DDR2: variants seen among roughly 807,000 people sequenced by gnomAD.
DDR2 encodes discoidin domain receptor tyrosine kinase 2.
A neutral mutation model predicts 94.9 loss-of-function variants in DDR2; 27 were observed. The ratio of observed to expected loss-of-function variants is 0.28; its 90% confidence interval spans 0.21 to 0.39. DDR2 has a LOEUF of 0.39. Ranked by LOEUF, DDR2 falls within the 10% of genes least tolerant of loss-of-function variation. The pLI, the probability that DDR2 is intolerant of heterozygous loss-of-function variation, is 1.00. For synonymous variants in DDR2, 382 were observed against 377.2 expected, an observed-to-expected ratio of 1.01 and a Z score of -0.15; for missense variants, 783 against 1,076.0, an observed-to-expected ratio of 0.73 and a Z score of 3.81.
intron 1 of DDR2, among the ~76,000 whole-genome samples, chr1:162,640,473 A>G (rs1657075406): frequency 6.6e-6 from 1 of 152,192 alleles, no homozygotes; most frequent in Non-Finnish European, 1.5e-5. Flanking sequence ...GTATATGGGA[A>G]CAATCTGTAC....
intron 2 of DDR2, among the ~76,000 whole-genome samples, chr1:162,673,592 TGTATGTGTGTGTGTGTGA>T (rs1487854537): frequency 6.7e-5 from 9 of 134,032 alleles, no homozygotes; most frequent in African/African-American, 2.7e-4. Flanking sequence ...TGTGTGTGTG[TGTATGTGTGTGTGTGTGA>T]GAGAGAGAGA....
chr1:162,716,712 T>C (rs1045299086), intron 2 of DDR2, among the ~76,000 whole-genome samples: 1 of 152,102 alleles, frequency 6.6e-6, no homozygotes, highest in African/African-American at 2.4e-5. Flanking sequence ...CATTGCTTTT[T>C]TTTTTTTTTA....
chr1:162,692,396 G>C (rs191582871), intron 2 of DDR2, among the ~76,000 whole-genome samples: 2 of 152,320 alleles, frequency 1.3e-5, no homozygotes, highest in East Asian at 3.9e-4. Context: ...TGGAGTCAGA[G>C]GAACTGTTTG....
At chr1:162,703,020 T>A (rs187916064) in intron 2 of DDR2, among the ~76,000 whole-genome samples, 2 of 152,356 alleles carry the variant, frequency 1.3e-5, no homozygotes, top group East Asian at 3.9e-4. Flanking sequence ...AATGAATATT[T>A]CAAGCCATCC....
chr1:162,669,699 C>T (rs1025085239), intron 2 of DDR2, among the ~76,000 whole-genome samples: 7 of 152,088 alleles, frequency 4.6e-5, no homozygotes, highest in African/African-American at 1.7e-4. Context: ...AAGAATTGAT[C>T]CCTTTATGTG....
chr1:162,734,028 C>T (rs950603800), intron 3 of DDR2, among the ~76,000 whole-genome samples: 1 of 152,176 alleles, frequency 6.6e-6, no homozygotes, highest in Admixed American at 6.5e-5. Flanking sequence ...GTCTCCCCTA[C>T]CGGAATGTAA....
chr1:162,784,808 C>T lies in DDR2; in HGVS notation c.*4562C>T, dbSNP rs1227106328. The T allele has an allele frequency of 4.6e-5, 7 of 152,156 alleles. No homozygotes were observed. The allele number at this position is 152,156 out of a possible 1,614,324, so 9.4% of individuals were successfully genotyped here. ...TAGATCCAGTTTTCCCCATTTATAA[C>T]ATTTCACTTAGTCCATTTTCGGAAC... is the stretch of plus-strand genomic sequence containing the variant. On this transcript the variant is annotated 3_prime_UTR_variant, in exon 18 of 18. Coordinates refer to ENST00000367921, the MANE Select transcript of DDR2 (RefSeq NM_006182.4).
At chr1:162,755,407 A>G in intron 6 of DDR2, 104 bp downstream of exon 6, 1 of 1,432,502 alleles carries the variant, frequency 7.0e-7, no homozygotes. Flanking sequence ...TACTCCTGGA[A>G]TGGTGATGCC....
intron 2 of DDR2, among the ~76,000 whole-genome samples, chr1:162,657,239 TC>T (rs1658035384): frequency 6.6e-6 from 1 of 152,158 alleles, no homozygotes; most frequent in South Asian, 2.1e-4. Context: ...GGTGCACTCC[TC>T]CACCCCCACT....
chr1:162,741,212 T>TACA lies in DDR2; in HGVS notation c.83-11882_83-11881insCAA, dbSNP rs1160868849. On this transcript the variant is annotated intron_variant, in intron 3 of 17. Coordinates refer to ENST00000367921, the MANE Select transcript of DDR2 (RefSeq NM_006182.4). The stretch of plus-strand genomic sequence containing the variant: ...CATAACATAATACAATACAATACAA[T>TACA]ATAATATAATATAATATAATATAAT... 6.7e-3 allele frequency among the ~76,000 whole-genome samples: 868 copies of TACA among 129,136 alleles called. 20 individuals carry two copies. The highest frequency in any genetic ancestry group is 0.027 in the African/African-American group (796 of 29,756). The allele number at this position is 129,136 out of a possible 152,430, so 84.7% of individuals were successfully genotyped here.
chr1:162,631,351 T>C (rs1298993432), upstream of DDR2: 1 of 152,228 alleles, frequency 6.6e-6, no homozygotes, highest in East Asian at 1.9e-4. Flanking sequence ...TCTTGGAGAC[T>C]GTGCAATCCC....
rs73024589 is a variant in DDR2, at chr1:162,724,055, G to A, written c.82+4910G>A. ...GGTCAGGCAACTAGAATTCTAGACT[G>A]TTCATGTTGGAATGGACCTTAGAAA... is the stretch of plus-strand genomic sequence containing the variant. On this transcript the variant is annotated intron_variant, in intron 3 of 17. Coordinates refer to ENST00000367921, the MANE Select transcript of DDR2 (RefSeq NM_006182.4). Among the ~76,000 whole-genome samples the A allele has an allele frequency of 4.9e-3, 743 of 152,272 alleles. 7 individuals carry two copies. The highest frequency in any genetic ancestry group is 0.035 in the East Asian group (179 of 5,170).
intron 2 of DDR2, among the ~76,000 whole-genome samples, chr1:162,674,484 G>A (rs988494368): frequency 1.3e-4 from 20 of 152,212 alleles, no homozygotes; most frequent in African/African-American, 4.8e-4. Flanking sequence ...ATGAATTAAT[G>A]AATGAATAAC....
chr1:162,760,014 G>A (rs1005174957), intron 8 of DDR2, 35 bp downstream of exon 8: 2 of 1,613,810 alleles, frequency 1.2e-6, no homozygotes, highest in African/African-American at 2.7e-5. Flanking sequence ...ACTTCTTTAA[G>A]GAGGCACAAA....
intron 3 of DDR2, among the ~76,000 whole-genome samples, chr1:162,729,295 TATA>T (rs1661887741): frequency 9.1e-5 from 2 of 22,086 alleles, no homozygotes; most frequent in African/African-American, 3.8e-4. Context: ...TATATATATA[TATA>T]TATTTTTTTT....
At chr1:162,722,198 C>T (rs1454564980) in intron 3 of DDR2, among the ~76,000 whole-genome samples, 1 of 152,166 alleles carries the variant, frequency 6.6e-6, no homozygotes, top group Non-Finnish European at 1.5e-5. Flanking sequence ...ACGAAGGCAG[C>T]AGAGTTTTTG....
intron 2 of DDR2, among the ~76,000 whole-genome samples, chr1:162,707,176 C>G (rs1199973047): frequency 1.3e-5 from 2 of 152,134 alleles, no homozygotes; most frequent in African/African-American, 4.8e-5. Context: ...GGCCAATCTG[C>G]TTTGTTCTAC....
chr1:162,683,265 G>A (rs56301737), intron 2 of DDR2, among the ~76,000 whole-genome samples: 7,242 of 152,096 alleles, frequency 0.048, 219 homozygotes, highest in South Asian at 0.085. Flanking sequence ...CCTAAGACAG[G>A]GATCAAGGCA....
chr1:162,751,570 A>G (rs1208100684), intron 3 of DDR2, among the ~76,000 whole-genome samples: 7 of 152,230 alleles, frequency 4.6e-5, no homozygotes, highest in African/African-American at 1.4e-4. Context: ...TAGTTAAACC[A>G]TTGTGGAAGA....
Sources: gnomAD v4.1 joint callset for allele counts (sites outside exome capture counted in the v4.1 genomes callset) on GRCh38, gnomAD v4.1.1 for gene constraint, MANE v1.5 for transcripts, NCBI Gene and HGNC (gene_info 2026-07-23, HGNC 2026-07-21) for gene names.